Variants in CNTNAP4 observed in about 807,000 individuals in gnomAD.
CNTNAP4 encodes the protein contactin associated protein family member 4.
A neutral mutation model predicts 148.4 loss-of-function variants in CNTNAP4; 98 were observed. The ratio of observed to expected loss-of-function variants is 0.66; its 90% CI spans 0.56 to 0.78. CNTNAP4 has a LOEUF of 0.78. Ranked by LOEUF, CNTNAP4 falls within the 30% of genes least tolerant of loss-of-function variation. The pLI, the probability that CNTNAP4 is intolerant of heterozygous loss-of-function variation, is 0.00. For synonymous variants in CNTNAP4, 730 were observed against 565.1 expected (o/e 1.29, Z -4.14); for missense variants, 1,935 against 1,565.6 (o/e 1.24, Z -3.98).
In CNTNAP4 at chr16:76,548,000, A is replaced by T; in HGVS notation, c.3443-5283A>T. Among the ~76,000 whole-genome samples the T allele has an allele frequency of 1.3e-5, 2 of 152,256 alleles. 1 individual carries two copies. Among genetic ancestry groups the T allele is most frequent in the East Asian group, 3.8e-4 (2 of 5,196 alleles). ...AACATCTTGTAAAATGACACTTAAA[A>T]TGAGACAGGTTATGCTGAAAGCAAA... On this transcript the variant is annotated intron_variant, in intron 21 of 23. Coordinates refer to ENST00000611870, the MANE Select transcript of CNTNAP4 (RefSeq NM_033401.5).
intron 10 of CNTNAP4, among the ~76,000 whole-genome samples, chr16:76,470,475 T>TACC (rs1195987109): frequency 4.7e-5 from 2 of 42,120 alleles, no homozygotes; most frequent in Non-Finnish European, 8.3e-5. Flanking sequence ...ACCACGTCTC[T>TACC]ACTAATAATA....
chr16:76,391,884 A>G (rs936041192), intron 3 of CNTNAP4, among the ~76,000 whole-genome samples: 8 of 152,188 alleles, frequency 5.3e-5, no homozygotes, highest in Non-Finnish European at 1.0e-4. Context: ...TCACGTGCAC[A>G]CCCAAGTTTG....
In CNTNAP4 at chr16:76,538,268, C is replaced by G. The variant is rs1220482671; in HGVS notation, c.3148C>G (p.Arg1050Gly). ...EMIKFSFRTT[R>G]TPSLLLFVSS... ...GATCAAATTTAGTTTCCGAACAACA[C>G]GAACACCAAGCTTGCTGCTTTTTGT... Residue 1050 changes from arginine (R) to glycine (G), a missense_variant, in exon 19 of 24, where the codon CGA (arginine) becomes GGA (glycine). By Grantham distance (125) the Arg-to-Gly change is moderately radical. Coordinates refer to ENST00000611870, the MANE Select transcript of CNTNAP4 (RefSeq NM_033401.5). The G allele has an allele frequency of 6.2e-7, 1 of 1,610,542 alleles. No individual in the cohort carries two copies. Among genetic ancestry groups the G allele is most frequent in the South Asian group, 1.1e-5 (1 of 90,702 alleles).
At chr16:76,370,661 A>G (rs13332485) in intron 3 of CNTNAP4, among the ~76,000 whole-genome samples, 7,682 of 152,252 alleles carry the variant, frequency 0.05, 627 homozygotes, top group African/African-American at 0.17. Flanking sequence ...AAACAGAACG[A>G]TGAGGACAGC....
intron 21 of CNTNAP4, among the ~76,000 whole-genome samples, chr16:76,545,682 C>T (rs181639708): frequency 6.6e-6 from 1 of 152,200 alleles, no homozygotes; most frequent in Admixed American, 6.5e-5. Context: ...AATGATAAAA[C>T]AAGAATTTCA....
intron 2 of CNTNAP4, among the ~76,000 whole-genome samples, chr16:76,332,907 T>G (rs1963664777): frequency 6.6e-6 from 1 of 152,084 alleles, no homozygotes; most frequent in Admixed American, 6.5e-5. Flanking sequence ...GGGAGCAGGT[T>G]AGTGGTACGG....
chr16:76,302,190 G>T (rs1438996379), intron 1 of CNTNAP4, among the ~76,000 whole-genome samples: 1 of 151,884 alleles, frequency 6.6e-6, no homozygotes, highest in Non-Finnish European at 1.5e-5. Context: ...CATAGAAAAA[G>T]GAAAAATAAA....
chr16:76,528,634 G>A (rs77680349), intron 17 of CNTNAP4, among the ~76,000 whole-genome samples: 2,946 of 152,254 alleles, frequency 0.019, 55 homozygotes, highest in Middle Eastern at 0.034. Context: ...AGAATCCAGT[G>A]TATTTACTCC....
intron 8 of CNTNAP4, 64 bp from the exon 9 acceptor site, chr16:76,461,892 T>G (rs2080977115): frequency 4.8e-6 from 7 of 1,471,504 alleles, no homozygotes; most frequent in Non-Finnish European, 4.7e-6. Context: ...ATATTGCTGT[T>G]TCTAACCAAC....
intron 12 of CNTNAP4, among the ~76,000 whole-genome samples, chr16:76,486,309 A>T (rs1264569080): frequency 6.6e-6 from 1 of 152,362 alleles, no homozygotes; most frequent in East Asian, 1.9e-4. Context: ...AGTTTTAAAG[A>T]TTTTTAAAAT....
At chr16:76,435,472 A>G (rs2079790006) in intron 4 of CNTNAP4, among the ~76,000 whole-genome samples, 1 of 152,200 alleles carries the variant, frequency 6.6e-6, no homozygotes, top group East Asian at 1.9e-4. Flanking sequence ...GGATCCAGTT[A>G]TTCCCATTTT....
intron 3 of CNTNAP4, among the ~76,000 whole-genome samples, chr16:76,356,877 C>T (rs2012719829): frequency 6.6e-6 from 1 of 152,046 alleles, no homozygotes; most frequent in South Asian, 2.1e-4. Context: ...TCTTGGTGGC[C>T]ATTCAATCCA....
chr16:76,372,600 A>G (rs2014968050), intron 3 of CNTNAP4, among the ~76,000 whole-genome samples: 1 of 152,108 alleles, frequency 6.6e-6, no homozygotes, highest in South Asian at 2.1e-4. Context: ...ATGGTTTTGT[A>G]AAGGGTTTCC....
intron 4 of CNTNAP4, among the ~76,000 whole-genome samples, chr16:76,434,385 G>GA (rs1183979160): frequency 1.3e-5 from 2 of 152,154 alleles, no homozygotes; most frequent in Non-Finnish European, 2.9e-5. Context: ...CAGGAATGGA[G>GA]AAAAAGGCAT....
intron 3 of CNTNAP4, 73 bp from the exon 4 acceptor site, chr16:76,427,379 A>T: frequency 7.6e-7 from 1 of 1,317,574 alleles, no homozygotes; most frequent in Non-Finnish European, 1.0e-6. Flanking sequence ...CATTGCTAAT[A>T]GACATTATAG....
chr16:76,309,545 C>G (rs1960862829), intron 1 of CNTNAP4, among the ~76,000 whole-genome samples: 1 of 152,150 alleles, frequency 6.6e-6, no homozygotes, highest in African/African-American at 2.4e-5. Flanking sequence ...AGTAAAATTT[C>G]TAAATATTTC....
At chr16:76,460,689 C>A (rs8063992) in intron 8 of CNTNAP4, among the ~76,000 whole-genome samples, 1 of 130,084 alleles carries the variant, frequency 7.7e-6, no homozygotes, top group Non-Finnish European at 1.6e-5. Flanking sequence ...GGAGGCAGAG[C>A]TTGCAGTGAG....
intron 17 of CNTNAP4, among the ~76,000 whole-genome samples, chr16:76,529,808 T>C (rs555950541): frequency 6.6e-6 from 1 of 151,952 alleles, no homozygotes; most frequent in African/African-American, 2.4e-5. Flanking sequence ...ACTCTAAACA[T>C]ATTGAAGCTC....
chr16:76,375,062 C>A (rs1211654153), intron 3 of CNTNAP4, among the ~76,000 whole-genome samples: 1 of 152,150 alleles, frequency 6.6e-6, no homozygotes, highest in African/African-American at 2.4e-5. Flanking sequence ...AGCCATCACG[C>A]CCGGCCAGCA....
Sources: gnomAD v4.1 joint callset for allele counts (sites outside exome capture counted in the v4.1 genomes callset) on GRCh38, gnomAD v4.1.1 for gene constraint, MANE v1.5 for transcripts, NCBI Gene and HGNC (gene_info 2026-07-23, HGNC 2026-07-21) for gene names.